The following RAB43 variants were observed in gnomAD, a reference collection of about 807,000 sequenced individuals.
RAB43 encodes ras-related protein Rab-43.
A neutral mutation model predicts 18.8 loss-of-function variants in RAB43; 6 were observed. That is an observed-to-expected ratio of 0.32 (90% CI 0.17 to 0.63). The LOEUF (loss-of-function observed/expected upper bound fraction) is 0.63, where lower values mean the gene tolerates loss of function less well. RAB43 is among the 30% of genes least tolerant of loss of function. The probability of loss-of-function intolerance (pLI) is 0.79; values close to 1 mark genes in which losing one functional copy is unlikely to be tolerated. For missense variants in RAB43, 195 were observed against 289.1 expected (o/e 0.67, Z 2.36); for synonymous variants, 103 against 124.1 (o/e 0.83, Z 1.13).
chr3:129,112,145 C>T (rs1000124666), intron 1 of RAB43, among the ~76,000 whole-genome samples: 4 of 151,980 alleles, frequency 2.6e-5, no homozygotes, highest in African/African-American at 7.2e-5. Flanking sequence ...GTTCCAGCTA[C>T]TCAGGAGGCT....
At chr3:129,091,905 A>T (rs1457587165) in intron 2 of RAB43, among the ~76,000 whole-genome samples, 1 of 151,486 alleles carries the variant, frequency 6.6e-6, no homozygotes, top group African/African-American at 2.4e-5. Context: ...GTCTCTACTT[A>T]AAAAAAATAC....
rs1053039595 is a variant in RAB43, at chr3:129,095,481, C to T, written c.205-312G>A. Among the ~76,000 whole-genome samples the T allele has an allele frequency of 2.6e-5, 4 of 152,182 alleles. No homozygotes were observed. The highest frequency in any genetic ancestry group is 2.6e-4 in the Admixed American group (4 of 15,280). Reference sequence around the variant, plus strand: ...CCCCTCAGGACTGGGCCCACTGCTGCGAAAACAGAACCACCAGTGCTCAAG... The same window carrying T: ...CCCCTCAGGACTGGGCCCACTGCTGTGAAAACAGAACCACCAGTGCTCAAG... On this transcript the variant is annotated intron_variant, in intron 1 of 2. Transcript: ENST00000315150. This position sits in a 1 kb window ranked among gnomAD's most constrained non-coding sequence, Gnocchi z 4.2.
At chr3:129,112,935 G>A (rs1935262205) in intron 1 of RAB43, among the ~76,000 whole-genome samples, 2 of 151,728 alleles carry the variant, frequency 1.3e-5, no homozygotes, top group Admixed American at 1.3e-4. Context: ...TTTTTTTGTA[G>A]AGATGAGGTC....
At chr3:129,098,777 T>A (rs1383398843) in intron 1 of RAB43, among the ~76,000 whole-genome samples, 1 of 152,162 alleles carries the variant, frequency 6.6e-6, no homozygotes, top group African/African-American at 2.4e-5. Context: ...CTATTTATTA[T>A]TATTAAAATT....
At chr3:129,091,419 C>A in intron 2 of RAB43, 73 bp from the exon 3 acceptor site, 2 of 1,510,348 alleles carry the variant, frequency 1.3e-6, no homozygotes, top group Middle Eastern at 1.7e-4. Flanking sequence ...GAGGGTCACG[C>A]TGACAGCCCC....
At chr3:129,120,488 T>C (rs571956273) in intron 1 of RAB43, among the ~76,000 whole-genome samples, 1 of 152,374 alleles carries the variant, frequency 6.6e-6, no homozygotes, top group African/African-American at 2.4e-5. Flanking sequence ...CAGGATCTCC[T>C]GGTTGATTAG....
At chr3:129,092,653 T>C (rs1381295136) in intron 2 of RAB43, 1 of 531,164 alleles carries the variant, frequency 1.9e-6, no homozygotes, top group African/African-American at 2.0e-5. Context: ...ACTATTTTCA[T>C]AGCTGTATAA....
At chr3:129,100,844 T>C (rs888952114) in intron 1 of RAB43, among the ~76,000 whole-genome samples, 1 of 152,212 alleles carries the variant, frequency 6.6e-6, no homozygotes, top group South Asian at 2.1e-4. Flanking sequence ...TCTCGCTCTG[T>C]CGCCCAGGCT....
chr3:129,116,929 C>T (rs999052621), intron 1 of RAB43, among the ~76,000 whole-genome samples: 6 of 140,188 alleles, frequency 4.3e-5, no homozygotes, highest in Non-Finnish European at 9.0e-5. Context: ...GCTGAGATTT[C>T]CTGAGGACAC....
chr3:129,117,578 C>T (rs1036251077), intron 1 of RAB43, among the ~76,000 whole-genome samples: 6 of 152,232 alleles, frequency 3.9e-5, no homozygotes, highest in Non-Finnish European at 8.8e-5. Flanking sequence ...TATATCTACA[C>T]GTTTTGGTTA....
intron 2 of RAB43, among the ~76,000 whole-genome samples, chr3:129,094,259 G>A (rs74562787): frequency 1.3e-5 from 2 of 152,152 alleles, no homozygotes; most frequent in East Asian, 3.9e-4. Context: ...CCTGCTCTGT[G>A]TGCGGCACAA....
Position 129,087,708 on chromosome 3 carries a change from A to T in RAB43, c.*3388T>A, listed in dbSNP as rs1476918861. 1.3e-5 allele frequency: 2 copies of T among 151,364 alleles called. No individual in the cohort carries two copies. The highest frequency in any genetic ancestry group is 2.9e-5 in the Non-Finnish European group (2 of 67,920). The allele number at this position is 151,364 out of a possible 1,614,324, so 9.4% of individuals were successfully genotyped here. A position where few individuals can be genotyped will look rare whatever the true frequency, so the allele number is the denominator to read the frequency against. On this transcript the variant is annotated 3_prime_UTR_variant, in exon 3 of 3. Transcript: ENST00000315150. ...TATATATTCATAAATAGGTGGCATG[A>T]AAAATTACCAAATGCAAATGGAATA...
chr3:129,101,758 A>G (rs1036474391), intron 1 of RAB43, among the ~76,000 whole-genome samples: 5 of 152,216 alleles, frequency 3.3e-5, no homozygotes, highest in African/African-American at 1.2e-4. Flanking sequence ...AGCATATAGG[A>G]TCTTGCAGGC....
intron 1 of RAB43, among the ~76,000 whole-genome samples, chr3:129,115,229 T>A (rs1935440005): frequency 6.6e-6 from 1 of 152,152 alleles, no homozygotes; most frequent in Non-Finnish European, 1.5e-5. Context: ...GGCTCATGCC[T>A]GTAATTCCAG....
At chr3:129,098,864 G>C (rs1934231102) in intron 1 of RAB43, among the ~76,000 whole-genome samples, 1 of 152,074 alleles carries the variant, frequency 6.6e-6, no homozygotes, top group Non-Finnish European at 1.5e-5. Flanking sequence ...CTTGAGGTCA[G>C]GAGTTGAAGA....
chr3:129,113,017 A>G (rs1935266722), intron 1 of RAB43, among the ~76,000 whole-genome samples: 1 of 152,082 alleles, frequency 6.6e-6, no homozygotes, highest in Non-Finnish European at 1.5e-5. Flanking sequence ...CCACCAAAGC[A>G]GGTGCAGGTT....
chr3:129,118,061 G>A (rs1447248304), intron 1 of RAB43, among the ~76,000 whole-genome samples: 1 of 152,244 alleles, frequency 6.6e-6, no homozygotes, highest in East Asian at 1.9e-4. Flanking sequence ...CTCTGAAGAT[G>A]TGGCATTTGC....
intron 1 of RAB43, among the ~76,000 whole-genome samples, chr3:129,109,755 A>G (rs1443423725): frequency 6.6e-6 from 1 of 151,364 alleles, no homozygotes; most frequent in Admixed American, 6.6e-5. Context: ...TAATAATAAT[A>G]ATAATAATAA....
chr3:129,118,938 C>CA (rs1234020494), intron 1 of RAB43, among the ~76,000 whole-genome samples: 3 of 152,148 alleles, frequency 2.0e-5, no homozygotes, highest in African/African-American at 7.2e-5. Flanking sequence ...GCTGAAACTA[C>CA]AGAGACAAAA....
Sources: allele counts gnomAD v4.1 joint callset (sites outside exome capture counted in the v4.1 genomes callset), GRCh38; gene constraint gnomAD v4.1.1; non-coding constraint Gnocchi (gnomAD v3.1); transcripts MANE v1.5; gene names NCBI Gene and HGNC (gene_info 2026-07-23, HGNC 2026-07-21).